The following IL6ST variants were observed in gnomAD, a reference collection of about 807,000 sequenced individuals.
IL6ST encodes interleukin-6 receptor subunit beta.
Under a neutral mutation model 91.3 loss-of-function variants are expected in IL6ST, and 24 were observed. The observed-to-expected ratio is 0.26, with a 90% CI of 0.19 to 0.37. The LOEUF is 0.37. Among genes scored for constraint, IL6ST ranks in the 10% least tolerant of loss-of-function variants. The pLI, the probability that IL6ST is intolerant of heterozygous loss-of-function variation, is 1.00. For synonymous variants in IL6ST, 351 were observed against 373.6 expected, an observed-to-expected ratio of 0.94 and a Z score of 0.70; for missense variants, 914 against 1,078.5, an observed-to-expected ratio of 0.85 and a Z score of 2.14.
rs1561165706 is a variant in IL6ST, at chr5:55,952,252, G to C, written c.1550C>G (p.Ala517Gly). ...PESIKAYLKQ[A>G]PPSKGPTVRT... Reference sequence around the variant, plus strand: ...CAAAGAAGTGAGTTTGGACTTACGAGCTTGTTTAAGGTATGCCTTTATGGA... The same window carrying C: ...CAAAGAAGTGAGTTTGGACTTACGACCTTGTTTAAGGTATGCCTTTATGGA... Residue 517 changes from alanine to glycine, a missense_variant and splice_region_variant, in exon 12 of 17, where the codon GCT becomes GGT. Ala to Gly is a moderately conservative substitution (Grantham distance 60). Coordinates refer to ENST00000381298, the MANE Select transcript of IL6ST (RefSeq NM_002184.4). 1.2e-6 allele frequency: 2 copies of C among 1,601,918 alleles called. No homozygotes were observed. The highest frequency in any genetic ancestry group is 1.3e-5 in the African/African-American group (1 of 74,742).
chr5:55,969,249 G>C (rs191128515), intron 4 of IL6ST, among the ~76,000 whole-genome samples: 4 of 151,840 alleles, frequency 2.6e-5, no homozygotes, highest in African/African-American at 7.3e-5. Flanking sequence ...TGCTTTACAC[G>C]TGCATTTTCT....
At chr5:55,945,676 T>TTTTTC (rs1554023164) in intron 15 of IL6ST, among the ~76,000 whole-genome samples, 2 of 133,948 alleles carry the variant, frequency 1.5e-5, no homozygotes, top group African/African-American at 3.2e-5. Flanking sequence ...TTTTTTTTTT[T>TTTTTC]CAGACACTCT....
intron 15 of IL6ST, among the ~76,000 whole-genome samples, chr5:55,943,921 C>A (rs1045944677): frequency 3.9e-5 from 6 of 151,972 alleles, no homozygotes; most frequent in Non-Finnish European, 8.8e-5. Flanking sequence ...ACTAAAAATA[C>A]AAAAAAATTA....
intron 11 of IL6ST, among the ~76,000 whole-genome samples, chr5:55,953,997 T>A (rs941508764): frequency 3.3e-5 from 5 of 152,140 alleles, no homozygotes; most frequent in Non-Finnish European, 4.4e-5. Context: ...TATTTTTTTT[T>A]AAGAAGTTTC....
chr5:55,952,871 G>A (rs1751725693), intron 11 of IL6ST, among the ~76,000 whole-genome samples: 1 of 152,122 alleles, frequency 6.6e-6, no homozygotes, highest in African/African-American at 2.4e-5. Context: ...AGACCAGCAT[G>A]GCCAACATGG....
At chr5:55,957,992 TA>T (rs1418052450) in intron 8 of IL6ST, among the ~76,000 whole-genome samples, 1 of 152,212 alleles carries the variant, frequency 6.6e-6, no homozygotes, top group Admixed American at 6.5e-5. Context: ...ATAAATGTAC[TA>T]AAATAAGTTT....
chr5:55,959,989 G>A (rs185371266), intron 8 of IL6ST, among the ~76,000 whole-genome samples: 1,567 of 151,970 alleles, frequency 0.01, 18 homozygotes, highest in Non-Finnish European at 0.016. Context: ...GGGTTCAAGC[G>A]ATTCTCCTGC....
chr5:55,956,042 G>A lies in IL6ST; in HGVS notation c.1250C>T (p.Pro417Leu). 6.2e-7 allele frequency: 1 copy of A among 1,612,416 alleles called. No individual in the cohort carries two copies. The highest frequency in any genetic ancestry group is 8.5e-7 in the Non-Finnish European group (1 of 1,178,514). Residue 417 changes from proline to leucine, a missense_variant, in exon 10 of 17, where the codon CCT (proline) becomes CTT (leucine). Transcript: ENST00000381298. Reference protein sequence around the residue: ...GKSDAAVLTIPACDFQATHPV... With the variant: ...GKSDAAVLTILACDFQATHPV... ...ATACAAACCTTGAAAGTCACAGGCA[G>A]GGATAGTTAAAACAGCTGCATCTGA...
At chr5:55,989,768 C>A (rs1754205818) in intron 1 of IL6ST, among the ~76,000 whole-genome samples, 1 of 152,098 alleles carries the variant, frequency 6.6e-6, no homozygotes, top group African/African-American at 2.4e-5. Context: ...AGACAGGGGC[C>A]AGGAGCGCCC....
At chr5:55,974,300 T>C (rs913470761) in intron 3 of IL6ST, among the ~76,000 whole-genome samples, 2 of 152,162 alleles carry the variant, frequency 1.3e-5, no homozygotes, top group South Asian at 4.1e-4. Flanking sequence ...CCAAACACTG[T>C]CCAAATATTT....
At position 55,941,439 on chromosome 5, in the gene IL6ST, A is replaced by G. The variant is rs1038811058; in HGVS notation, c.2400T>C (p.Asp800=). The G allele has an allele frequency of 4.3e-6, 7 of 1,614,102 alleles. No homozygotes were observed. In the African/African-American group the frequency reaches 9.3e-5, roughly 22 times the overall value. ...AAATACCATCACCGCCATCTACATG[A>G]TCTACTAATTGTAGATCTTCTGGCC... ...EERPEDLQLV[D]HVDGGDGILP... Residue 800 remains aspartate, a synonymous_variant, in exon 17 of 17, where the codon GAT becomes GAC. Coordinates refer to ENST00000381298, the MANE Select transcript of IL6ST (RefSeq NM_002184.4).
chr5:55,994,899 G>T lies in IL6ST; in HGVS notation c.-219C>A, dbSNP rs1279726527. 1 of 152,282 alleles carries T rather than the reference G, an allele frequency of 6.6e-6. No homozygotes were observed. Among genetic ancestry groups the T allele is most frequent in the East Asian group, 1.9e-4 (1 of 5,188 alleles). The allele number at this position is 152,282 out of a possible 1,614,324, so 9.4% of individuals were successfully genotyped here. ...CGGCCCCCGGTTCAGCTGCGCCGGG[G>T]CGGCCCAGCGCGACTCCGCGGGCCT... On this transcript the variant is annotated 5_prime_UTR_variant, in exon 1 of 17. Transcript: ENST00000381298.
Position 55,960,415 on chromosome 5 carries a change from G to T in IL6ST, c.960C>A (p.Ile320=), listed in dbSNP as rs1349943617. Residue 320 remains isoleucine, a synonymous_variant, in exon 8 of 17, where the codon ATC becomes ATA. Transcript: ENST00000381298. ...TTATGTACTTACTATCTTCATAGGT[G>T]ATCCCACTTGCTTCTTCACTCCAGT... is the stretch of plus-strand genomic sequence containing the variant. The part of the protein sequence containing the change: ...WSDWSEEASG[I]TYEDRPSKAP... The T allele has an allele frequency of 1.9e-6, 3 of 1,613,220 alleles. No individual in the cohort carries two copies. In the South Asian group the frequency reaches 3.3e-5, roughly 18 times the overall value.
rs935801387 is a variant in IL6ST, at chr5:55,935,378, C to T, written c.*5704G>A. Reference sequence around the variant, plus strand: ...CTAAAACTAAGCTCTGGCTTCGTATCTGTTGAAAATCTTTAGCGGTTGGGG... The same window carrying T: ...CTAAAACTAAGCTCTGGCTTCGTATTTGTTGAAAATCTTTAGCGGTTGGGG... On this transcript the variant is annotated 3_prime_UTR_variant, in exon 17 of 17. Coordinates refer to ENST00000381298, the MANE Select transcript of IL6ST (RefSeq NM_002184.4). The T allele has an allele frequency of 9.4e-5, 19 of 202,156 alleles. 2 individuals carry two copies. The Admixed American group carries it at 1.1e-3, about 12-fold the overall frequency. 12.5% of individuals were successfully genotyped at this position (202,156 alleles called of 1,614,324 possible).
At position 55,939,066 on chromosome 5, in the gene IL6ST, A is replaced by T. The variant is rs1750714474; in HGVS notation, c.*2016T>A. The T allele has an allele frequency of 4.9e-6, 1 of 206,160 alleles. No individual in the cohort carries two copies. Among genetic ancestry groups the T allele is most frequent in the Non-Finnish European group, 9.9e-6 (1 of 100,958 alleles). 12.8% of individuals were successfully genotyped at this position (206,160 alleles called of 1,614,324 possible). On this transcript the variant is annotated 3_prime_UTR_variant, in exon 17 of 17. Coordinates refer to ENST00000381298, the MANE Select transcript of IL6ST (RefSeq NM_002184.4). ...AACATTCTTCATGACACTATTTGTT[A>T]TGAGGAAAGTTGCAGCTAAATATTA...
intron 1 of IL6ST, among the ~76,000 whole-genome samples, chr5:55,985,003 A>T (rs750717560): frequency 3.3e-5 from 5 of 152,330 alleles, no homozygotes; most frequent in Non-Finnish European, 7.3e-5. Context: ...CTGTTCAAAC[A>T]TATTGATCAA....
intron 3 of IL6ST, 95 bp downstream of exon 3, chr5:55,976,120 C>T (rs768410196): frequency 4.0e-6 from 2 of 498,496 alleles, no homozygotes; most frequent in Non-Finnish European, 6.9e-6. Context: ...AATATATGAA[C>T]ATAATAATTA....
intron 14 of IL6ST, among the ~76,000 whole-genome samples, chr5:55,947,820 A>G (rs1278531438): frequency 6.6e-6 from 1 of 152,186 alleles, no homozygotes; most frequent in Non-Finnish European, 1.5e-5. Context: ...GCCGCATAGC[A>G]TAAAATATAT....
Position 55,951,534 on chromosome 5 carries a change from T to C in IL6ST, c.1770A>G (p.Val590=). 3.7e-6 allele frequency: 6 copies of C among 1,611,370 alleles called. No homozygotes were observed. The highest frequency in any genetic ancestry group is 5.1e-6 in the Non-Finnish European group (6 of 1,177,514). ...SSLTSDTLYM[V]RMAAYTDEGG... ...CTTCATCTGTGTATGCTGCCATTCG[T>C]ACCATGTACAATGTGTCACTAGTCA... is the stretch of plus-strand genomic sequence containing the variant. Residue 590 remains valine, a synonymous_variant, in exon 14 of 17, where the codon GTA becomes GTG. Coordinates refer to ENST00000381298, the MANE Select transcript of IL6ST (RefSeq NM_002184.4).
Sources: gnomAD v4.1 joint callset for allele counts (sites outside exome capture counted in the v4.1 genomes callset) on GRCh38, gnomAD v4.1.1 for gene constraint, MANE v1.5 for transcripts, NCBI Gene and HGNC (gene_info 2026-07-23, HGNC 2026-07-21) for gene names.